The following DHRS9 variants were observed in gnomAD, a reference collection of about 807,000 sequenced individuals.
The protein encoded by DHRS9 is dehydrogenase/reductase SDR family member 9.
A neutral mutation model predicts 26.6 loss-of-function variants in DHRS9; 18 were observed. The observed-to-expected ratio is 0.68, with a 90% CI of 0.47 to 1.00. The LOEUF (loss-of-function observed/expected upper bound fraction) is 1.00. Ranked by LOEUF, DHRS9 falls within the 50% of genes least tolerant of loss-of-function variation. The pLI is 0.00. For missense variants in DHRS9, 425 were observed against 378.7 expected (o/e 1.12, Z -1.01); for synonymous variants, 134 against 141.1 (o/e 0.95, Z 0.36).
chr2:169,081,286 C>G, intron 1 of DHRS9: 1 of 799,304 alleles, frequency 1.3e-6, no homozygotes, highest in Non-Finnish European at 1.7e-6. Context: ...GCTCCCCTCT[C>G]CCTCTCTTCC....
At position 169,077,163 on chromosome 2, in the gene DHRS9, GT is replaced by G. The variant is rs1683987842; in HGVS notation, c.-59-4359del. Among the ~76,000 whole-genome samples, 3 of 152,242 alleles carry G rather than the reference GT, an allele frequency of 2.0e-5. 1 individual carries two copies. Among genetic ancestry groups the G allele is most frequent in the African/African-American group, 7.2e-5 (3 of 41,558 alleles). On this transcript the variant is annotated intron_variant, in intron 1 of 4. Coordinates refer to ENST00000674881, the MANE Select transcript of DHRS9 (RefSeq NM_001376924.1). Reference sequence around the variant, plus strand: ...TCAAATAATTTGAAATAATAGGGTTGTCTGTTTTCTAGCTCTGGTGGAGGCT... The same window carrying G: ...TCAAATAATTTGAAATAATAGGGTTGCTGTTTTCTAGCTCTGGTGGAGGCT...
At chr2:169,080,278 G>A (rs931032217) in intron 1 of DHRS9, among the ~76,000 whole-genome samples, 2 of 152,174 alleles carry the variant, frequency 1.3e-5, no homozygotes, top group Admixed American at 1.3e-4. Flanking sequence ...TTGGGTCATG[G>A]AGGAAGAAAA....
At chr2:169,089,846 T>C (rs1306233774) in intron 3 of DHRS9, among the ~76,000 whole-genome samples, 1 of 152,202 alleles carries the variant, frequency 6.6e-6, no homozygotes, top group African/African-American at 2.4e-5. Flanking sequence ...ACCCTGCATT[T>C]CTAACAAGCT....
chr2:169,080,674 AT>A (rs1266542552), intron 1 of DHRS9, among the ~76,000 whole-genome samples: 1 of 152,190 alleles, frequency 6.6e-6, no homozygotes, highest in Non-Finnish European at 1.5e-5. Context: ...GACAAAATTA[AT>A]TTTCCAAGTA....
intron 1 of DHRS9, chr2:169,070,212 G>A: frequency 1.0e-6 from 1 of 985,272 alleles, no homozygotes; most frequent in Non-Finnish European, 1.2e-6. Flanking sequence ...ACTAAACTGA[G>A]GGGAAAAAAT....
In DHRS9 at chr2:169,083,409, G is replaced by A. The variant is rs1313553621; in HGVS notation, c.394G>A (p.Glu132Lys). 3.1e-6 allele frequency: 5 copies of A among 1,614,148 alleles called. No homozygotes were observed. The highest frequency in any genetic ancestry group is 4.2e-6 in the Non-Finnish European group (5 of 1,180,000). ...TDWLTLEDYR[E>K]PIEVNLFGLI... ...CTGGCTGACACTAGAGGACTACAGA[G>A]AACCTATTGAAGTGAACCTGTTTGG... Residue 132 changes from glutamate to lysine, a missense_variant, in exon 3 of 5, where the codon GAA becomes AAA. Coordinates refer to ENST00000674881, the MANE Select transcript of DHRS9 (RefSeq NM_001376924.1).
chr2:169,075,190 G>GA (rs201322416), intron 1 of DHRS9, among the ~76,000 whole-genome samples: 387 of 151,444 alleles, frequency 2.6e-3, no homozygotes, highest in African/African-American at 8.7e-3. Context: ...TCTTTTCACA[G>GA]AAAAAAAAGC....
At chr2:169,093,536 T>C (rs550287111) in intron 4 of DHRS9, among the ~76,000 whole-genome samples, 1 of 152,290 alleles carries the variant, frequency 6.6e-6, no homozygotes, top group Admixed American at 6.5e-5. Flanking sequence ...AACTTAATAC[T>C]TCAGAAACAA....
In DHRS9 at chr2:169,096,049, C is replaced by A; in HGVS notation, c.*282C>A. ...GATGTAAGGGAAATTGAAAGACTTG[C>A]CCATTCAAAATGATCTTTACCGTGG... On this transcript the variant is annotated 3_prime_UTR_variant, in exon 5 of 5. Transcript: ENST00000674881. 2.3e-6 allele frequency: 1 copy of A among 438,070 alleles called. No homozygotes were observed. 27.1% of individuals were successfully genotyped at this position (438,070 alleles called of 1,614,324 possible). A position where few individuals can be genotyped will look rare whatever the true frequency, so the allele number is the denominator to read the frequency against.
At chr2:169,088,826 C>G (rs1462409689) in intron 3 of DHRS9, among the ~76,000 whole-genome samples, 1 of 152,216 alleles carries the variant, frequency 6.6e-6, no homozygotes, top group Non-Finnish European at 1.5e-5. Flanking sequence ...AAGGCTAGAT[C>G]AGAATAGGCT....
Position 169,096,021 on chromosome 2 carries a change from T to G in DHRS9, c.*254T>G. The stretch of plus-strand genomic sequence containing the variant: ...CTGTATTTAGGCTTTGCCTGCTTGG[T>G]GTGATGTAAGGGAAATTGAAAGACT... On this transcript the variant is annotated 3_prime_UTR_variant, in exon 5 of 5. Coordinates refer to ENST00000674881, the MANE Select transcript of DHRS9 (RefSeq NM_001376924.1). 2 of 505,626 alleles carry G rather than the reference T, an allele frequency of 4.0e-6. No individual in the cohort carries two copies. The highest frequency in any genetic ancestry group is 7.1e-6 in the Non-Finnish European group (2 of 280,798). 31.3% of individuals were successfully genotyped at this position (505,626 alleles called of 1,614,324 possible). A position where few individuals can be genotyped will look rare whatever the true frequency, so the allele number is the denominator to read the frequency against.
At chr2:169,079,498 C>A (rs1163696895) in intron 1 of DHRS9, among the ~76,000 whole-genome samples, 1 of 151,152 alleles carries the variant, frequency 6.6e-6, no homozygotes, top group East Asian at 1.9e-4. Context: ...CTTTTACAAG[C>A]AGAAAAAAAT....
At chr2:169,079,583 G>A (rs1165121033) in intron 1 of DHRS9, among the ~76,000 whole-genome samples, 1 of 151,984 alleles carries the variant, frequency 6.6e-6, no homozygotes, top group East Asian at 2.0e-4. Context: ...GCTGGGCGTG[G>A]TGGCTCACGC....
chr2:169,085,895 A>T (rs1025881420), intron 3 of DHRS9, among the ~76,000 whole-genome samples: 5 of 152,188 alleles, frequency 3.3e-5, no homozygotes, highest in Admixed American at 3.3e-4. Context: ...GAATCTCCAA[A>T]CAAATATTGC....
At chr2:169,077,996 G>A (rs1684015047) in intron 1 of DHRS9, among the ~76,000 whole-genome samples, 1 of 152,210 alleles carries the variant, frequency 6.6e-6, no homozygotes, top group South Asian at 2.1e-4. Context: ...GACAAGATGT[G>A]AAGTGTCGAC....
intron 1 of DHRS9, chr2:169,070,183 T>G: frequency 1.0e-6 from 1 of 985,404 alleles, no homozygotes; most frequent in Non-Finnish European, 1.2e-6. Flanking sequence ...TAAGTTTACA[T>G]GAATACACAC....
At chr2:169,075,270 G>C (rs182387466) in intron 1 of DHRS9, among the ~76,000 whole-genome samples, 206 of 152,214 alleles carry the variant, frequency 1.4e-3, no homozygotes, top group Middle Eastern at 3.4e-3. Context: ...AAAATTTAGA[G>C]ACTAGGACAA....
intron 4 of DHRS9, among the ~76,000 whole-genome samples, chr2:169,093,331 A>AACACACAC (rs58377569): frequency 0.29 from 43,386 of 150,890 alleles, 7,326 homozygotes; most frequent in African/African-American, 0.48. Flanking sequence ...CATTACCCTA[A>AACACACAC]ACACACACAC....
intron 1 of DHRS9, among the ~76,000 whole-genome samples, chr2:169,079,920 G>GAGA (rs1477372841): frequency 3.9e-4 from 4 of 10,300 alleles, no homozygotes; most frequent in Admixed American, 1.2e-3. Context: ...GGAGGGAGGG[G>GAGA]GAGAGAGAGA....
Sources: allele counts gnomAD v4.1 joint callset (sites outside exome capture counted in the v4.1 genomes callset), GRCh38; gene constraint gnomAD v4.1.1; transcripts MANE v1.5; gene names NCBI Gene and HGNC (gene_info 2026-07-23, HGNC 2026-07-21).